Variants in ADAM12 observed in about 807,000 individuals in gnomAD.
The protein encoded by ADAM12 is ADAM metallopeptidase domain 12.
In ADAM12, 70 loss-of-function variants were observed where a neutral mutation model predicts 106.4. That is an observed-to-expected ratio of 0.66 (90% confidence interval 0.54 to 0.80). The LOEUF (loss-of-function observed/expected upper bound fraction) is 0.80, where lower values mean the gene tolerates loss of function less well. ADAM12 is among the 30% of genes least tolerant of loss of function. The probability of loss-of-function intolerance (pLI) is 0.00; values close to 1 mark genes in which losing one functional copy is unlikely to be tolerated. For missense variants in ADAM12, 1,010 were observed against 1,171.9 expected (o/e 0.86, Z 2.02); for synonymous variants, 420 against 433.5 (o/e 0.97, Z 0.39).
intron 6 of ADAM12, among the ~76,000 whole-genome samples, chr10:126,112,592 A>G (rs915644626): frequency 6.6e-6 from 1 of 151,956 alleles, no homozygotes; most frequent in Non-Finnish European, 1.5e-5. Flanking sequence ...AGGATAAATA[A>G]CCCCCGATCA....
intron 4 of ADAM12, among the ~76,000 whole-genome samples, chr10:126,153,756 T>C (rs537413806): frequency 6.6e-6 from 1 of 152,324 alleles, no homozygotes; most frequent in East Asian, 1.9e-4. Context: ...GTTATAGAAA[T>C]ATTCCTACAG....
intron 3 of ADAM12, among the ~76,000 whole-genome samples, chr10:126,180,274 G>A (rs1357876146): frequency 6.6e-6 from 1 of 152,166 alleles, no homozygotes; most frequent in Non-Finnish European, 1.5e-5. Flanking sequence ...CGAGCTTTCT[G>A]ACTGCAGAGG....
chr10:126,153,870 A>G (rs1470369027), intron 4 of ADAM12, among the ~76,000 whole-genome samples: 1 of 152,212 alleles, frequency 6.6e-6, no homozygotes, highest in Non-Finnish European at 1.5e-5. Flanking sequence ...CTACGCTGGT[A>G]TTAAAAATTT....
chr10:126,381,462 G>A (rs1373880544), intron 1 of ADAM12, among the ~76,000 whole-genome samples: 1 of 151,984 alleles, frequency 6.6e-6, no homozygotes. Flanking sequence ...AATAGAGTGA[G>A]ATTCTGTCTG....
At chr10:126,019,174 T>G (rs3946721) in intron 22 of ADAM12, among the ~76,000 whole-genome samples, 88,845 of 151,946 alleles carry the variant, frequency 0.58, 27,437 homozygotes, top group Non-Finnish European at 0.68. Context: ...TCCAGCCATG[T>G]GAAGTGCTGG....
Position 126,254,390 on chromosome 10 carries a change from G to A in ADAM12, c.260+24525C>T, listed in dbSNP as rs186399763. The stretch of plus-strand genomic sequence containing the variant: ...AGCGCAAGTCATGTGCTCCCTCTGT[G>A]TCAGCTGTCGGCATTGTCACTGGCT... On this transcript the variant is annotated intron_variant, in intron 3 of 22. Coordinates refer to ENST00000448723, the MANE Select transcript of ADAM12 (RefSeq NM_001288973.2). Among the ~76,000 whole-genome samples the A allele has an allele frequency of 2.0e-5, 3 of 152,328 alleles. No individual in the cohort carries two copies. The East Asian group carries it at 5.8e-4, about 29-fold the overall frequency.
chr10:126,200,768 T>C (rs1045137052), intron 3 of ADAM12, among the ~76,000 whole-genome samples: 1 of 149,506 alleles, frequency 6.7e-6, no homozygotes, highest in Non-Finnish European at 1.5e-5. Flanking sequence ...TCTCAATAGG[T>C]TGGAGTCTCC....
chr10:126,163,335 C>T (rs1340780602), intron 3 of ADAM12, among the ~76,000 whole-genome samples: 1 of 152,212 alleles, frequency 6.6e-6, no homozygotes, highest in East Asian at 1.9e-4. Context: ...TGTCCACCCT[C>T]ATTTAGAGAG....
In ADAM12 at chr10:126,087,914, G is replaced by A. The variant is rs3781027; in HGVS notation, c.1145+6071C>T. On this transcript the variant is annotated intron_variant, in intron 11 of 22. Coordinates refer to ENST00000448723, the MANE Select transcript of ADAM12 (RefSeq NM_001288973.2). ...AAATCCAGTTTTCCCACAGTATGAG[G>A]TAGGAATTTTCAGGGAGCGGTCTGC... 2.0e-5 allele frequency among the ~76,000 whole-genome samples: 3 copies of A among 152,284 alleles called. No homozygotes were observed. The East Asian group carries it at 5.8e-4, about 29-fold the overall frequency.
At chr10:126,197,458 A>C (rs183297143) in intron 3 of ADAM12, among the ~76,000 whole-genome samples, 58 of 152,318 alleles carry the variant, frequency 3.8e-4, no homozygotes, top group Middle Eastern at 6.8e-3. Flanking sequence ...CCACAGCAAG[A>C]CTGTGAGTGA....
chr10:126,173,615 T>C (rs1957160421), intron 3 of ADAM12, among the ~76,000 whole-genome samples: 1 of 152,226 alleles, frequency 6.6e-6, no homozygotes, highest in South Asian at 2.1e-4. Context: ...TTTCCTCTTC[T>C]TTTGAATATA....
intron 18 of ADAM12, chr10:126,042,041 C>T: frequency 3.3e-6 from 5 of 1,516,140 alleles, no homozygotes; most frequent in Non-Finnish European, 4.4e-6. Context: ...GGCAAAGCCA[C>T]AGAGTCAATG....
At chr10:126,102,429 A>T (rs1399418350) in intron 8 of ADAM12, among the ~76,000 whole-genome samples, 1 of 152,200 alleles carries the variant, frequency 6.6e-6, no homozygotes, top group Non-Finnish European at 1.5e-5. Context: ...GGCCAATAAC[A>T]AAACTTATAG....
intron 3 of ADAM12, among the ~76,000 whole-genome samples, chr10:126,249,203 T>C (rs1217670779): frequency 6.6e-6 from 1 of 152,220 alleles, no homozygotes; most frequent in Non-Finnish European, 1.5e-5. Context: ...CTCTGGAAGA[T>C]ATTTTTTATT....
intron 11 of ADAM12, among the ~76,000 whole-genome samples, chr10:126,084,460 C>G (rs1955296964): frequency 6.6e-6 from 1 of 152,166 alleles, no homozygotes; most frequent in Non-Finnish European, 1.5e-5. Context: ...TAGACATGGA[C>G]AGATGCAGTG....
chr10:126,287,936 C>T (rs776014459), intron 2 of ADAM12, among the ~76,000 whole-genome samples: 1 of 148,736 alleles, frequency 6.7e-6, no homozygotes, highest in Non-Finnish European at 1.5e-5. Context: ...GTCCCCACAC[C>T]CGGAGCAGGG....
At chr10:126,382,409 A>C (rs1285220519) in intron 1 of ADAM12, among the ~76,000 whole-genome samples, 1 of 152,212 alleles carries the variant, frequency 6.6e-6, no homozygotes, top group Non-Finnish European at 1.5e-5. Context: ...CGGAAAACAA[A>C]AGGATTAAGT....
At chr10:126,339,020 G>C (rs920108772) in intron 1 of ADAM12, among the ~76,000 whole-genome samples, 1 of 152,118 alleles carries the variant, frequency 6.6e-6, no homozygotes, top group African/African-American at 2.4e-5. Context: ...ACCACCTTCT[G>C]CCAAAATACA....
chr10:126,049,464 GAACA>G lies in ADAM12; in HGVS notation c.1719-17_1719-14del, dbSNP rs1954417369. 1 of 1,614,004 alleles carries G rather than the reference GAACA, an allele frequency of 6.2e-7. No homozygotes were observed. The highest frequency in any genetic ancestry group is 1.3e-5 in the African/African-American group (1 of 74,924). On this transcript the variant is annotated splice_polypyrimidine_tract_variant and intron_variant, in intron 15 of 22. Transcript: ENST00000448723. The surrounding 1 kb of genome is among the most constrained non-coding windows in gnomAD (Gnocchi z 4.4). ...ACATTTAGCATCTCTGGAAGGGTAAGAACAAACAATTCCCAAGGAGAAACCATTT... is the reference window on the plus strand; with the variant it reads ...ACATTTAGCATCTCTGGAAGGGTAAGAACAATTCCCAAGGAGAAACCATTT...
Sources: gnomAD v4.1 joint callset for allele counts (sites outside exome capture counted in the v4.1 genomes callset) on GRCh38, gnomAD v4.1.1 for gene constraint, Gnocchi (gnomAD v3.1) non-coding constraint, MANE v1.5 for transcripts, NCBI Gene and HGNC (gene_info 2026-07-23, HGNC 2026-07-21) for gene names.